Variants in PCDH7 observed in about 807,000 individuals in gnomAD.
PCDH7 encodes protocadherin-7.
A neutral mutation model predicts 58.9 loss-of-function variants in PCDH7; 17 were observed. The observed-to-expected ratio is 0.29, with a 90% confidence interval of 0.20 to 0.43. PCDH7 has a LOEUF of 0.43. Among genes scored for constraint, PCDH7 ranks in the 20% least tolerant of loss-of-function variants. The pLI, the probability that PCDH7 is intolerant of heterozygous loss-of-function variation, is 1.00. For synonymous variants in PCDH7, 664 were observed against 616.4 expected (o/e 1.08, Z -1.14); for missense variants, 1,274 against 1,441.0 (o/e 0.88, Z 1.88).
In PCDH7 at chr4:30,977,508, C is replaced by T. The variant is rs546550232; in HGVS notation, c.*7+27293C>T. On this transcript the variant is annotated intron_variant, in intron 3 of 3. Coordinates refer to the PCDH7 transcript ENST00000509759. ...AATAAGATTTTTCTTCTTCCTTCTT[C>T]CCCTTTTCTCCTTTTGCTTTTCTTC... 1.3e-4 allele frequency among the ~76,000 whole-genome samples: 20 copies of T among 152,264 alleles called. No individual in the cohort carries two copies. The South Asian group carries it at 3.7e-3, about 28-fold the overall frequency.
At chr4:30,728,444 T>C (rs1714965110) in intron 1 of PCDH7, among the ~76,000 whole-genome samples, 1 of 151,806 alleles carries the variant, frequency 6.6e-6, no homozygotes, top group Admixed American at 6.6e-5. Context: ...CAAGGATGTT[T>C]TCATAAGGCA....
chr4:31,063,715 GTATT>G (rs1560614556), intron 3 of PCDH7, among the ~76,000 whole-genome samples: 2 of 151,824 alleles, frequency 1.3e-5, no homozygotes, highest in Non-Finnish European at 2.9e-5. Flanking sequence ...AATGTATTCA[GTATT>G]TAAATTTTCT....
intron 1 of PCDH7, among the ~76,000 whole-genome samples, chr4:30,810,623 T>C (rs923915826): frequency 1.3e-4 from 19 of 151,792 alleles, no homozygotes; most frequent in African/African-American, 3.6e-4. Context: ...TTTCTTTTTT[T>C]TTTTTTGAGA....
At chr4:31,003,633 C>T (rs1752531005) in intron 3 of PCDH7, among the ~76,000 whole-genome samples, 1 of 152,088 alleles carries the variant, frequency 6.6e-6, no homozygotes, top group Non-Finnish European at 1.5e-5. Context: ...TGGGGCCAGG[C>T]ACGGTGGCTC....
chr4:30,765,075 T>G (rs1018906331), intron 1 of PCDH7, among the ~76,000 whole-genome samples: 1 of 145,468 alleles, frequency 6.9e-6, no homozygotes, highest in Non-Finnish European at 1.5e-5. Context: ...GGAAATGTCC[T>G]TTGCAATTAA....
intron 3 of PCDH7, among the ~76,000 whole-genome samples, chr4:31,056,486 A>AAAGG (rs1757220573): frequency 7.1e-6 from 1 of 140,984 alleles, no homozygotes; most frequent in Admixed American, 7.1e-5. Flanking sequence ...AGAAAGAAAG[A>AAAGG]AAGAAAGAAA....
At chr4:30,986,379 G>A (rs1040209650) in intron 3 of PCDH7, among the ~76,000 whole-genome samples, 1 of 151,876 alleles carries the variant, frequency 6.6e-6, no homozygotes, top group African/African-American at 2.4e-5. Flanking sequence ...ATGGTTTGTA[G>A]CTATGAGTGC....
At chr4:30,965,832 A>AT (rs1399681855) in intron 3 of PCDH7, among the ~76,000 whole-genome samples, 5 of 152,196 alleles carry the variant, frequency 3.3e-5, no homozygotes, top group East Asian at 1.9e-4. Flanking sequence ...TTAAAATATT[A>AT]TTTTTTTAAA....
downstream of PCDH7, chr4:31,146,329 A>C (rs868733194): frequency 6.6e-6 from 1 of 150,730 alleles, no homozygotes; most frequent in Non-Finnish European, 1.5e-5. Context: ...AGTGAGAAAT[A>C]AGAAAATGTG....
At chr4:31,009,824 A>G (rs1753042701) in intron 3 of PCDH7, among the ~76,000 whole-genome samples, 1 of 151,892 alleles carries the variant, frequency 6.6e-6, no homozygotes, top group African/African-American at 2.4e-5. Context: ...ATGGAGCTCA[A>G]TAGTTGATAT....
At chr4:30,848,825 C>A (rs566950254) in intron 1 of PCDH7, among the ~76,000 whole-genome samples, 1 of 152,156 alleles carries the variant, frequency 6.6e-6, no homozygotes, top group East Asian at 1.9e-4. Context: ...CCTAAGTATG[C>A]AATTAAAATT....
intron 3 of PCDH7, among the ~76,000 whole-genome samples, chr4:31,025,451 G>A (rs1404215938): frequency 6.6e-6 from 1 of 151,352 alleles, no homozygotes; most frequent in Non-Finnish European, 1.5e-5. Flanking sequence ...TTCTTTTCTT[G>A]TTGTTCAGCT....
intron 3 of PCDH7, among the ~76,000 whole-genome samples, chr4:31,049,797 C>T (rs1756591745): frequency 6.6e-6 from 1 of 152,000 alleles, no homozygotes; most frequent in Admixed American, 6.6e-5. Context: ...ACATGGTCTC[C>T]AGTGAGGTCA....
chr4:30,875,719 G>A (rs551703824), intron 1 of PCDH7, among the ~76,000 whole-genome samples: 2 of 152,010 alleles, frequency 1.3e-5, no homozygotes, highest in Non-Finnish European at 2.9e-5. Context: ...ATCTGATTCC[G>A]TATTTGCTTT....
chr4:30,907,064 A>G (rs577710933), intron 1 of PCDH7, among the ~76,000 whole-genome samples: 92 of 152,226 alleles, frequency 6.0e-4, no homozygotes, highest in African/African-American at 2.1e-3. Context: ...CCCAGCAATA[A>G]TTTTTAAAAT....
intron 1 of PCDH7, among the ~76,000 whole-genome samples, chr4:30,840,456 C>T (rs1467887609): frequency 1.3e-5 from 2 of 152,086 alleles, no homozygotes; most frequent in Non-Finnish European, 2.9e-5. Context: ...CGTCCCTTGA[C>T]CACCTTGCAG....
chr4:31,115,955 A>T (rs2109317246), intron 3 of PCDH7, among the ~76,000 whole-genome samples: 1 of 152,294 alleles, frequency 6.6e-6, no homozygotes, highest in East Asian at 1.9e-4. Flanking sequence ...CCACCAAAAT[A>T]TTATTTGCAA....
chr4:30,745,577 G>A (rs1195357146), intron 1 of PCDH7, among the ~76,000 whole-genome samples: 1 of 152,042 alleles, frequency 6.6e-6, no homozygotes, highest in Non-Finnish European at 1.5e-5. Context: ...CACTCATGTG[G>A]GGCATCATGC....
chr4:31,101,354 G>C (rs1389147900), intron 3 of PCDH7, among the ~76,000 whole-genome samples: 1 of 152,122 alleles, frequency 6.6e-6, no homozygotes, highest in African/African-American at 2.4e-5. Context: ...TATAAAAAAA[G>C]ATTTTTTTCA....
Sources: allele counts gnomAD v4.1 joint callset (sites outside exome capture counted in the v4.1 genomes callset), GRCh38; gene constraint gnomAD v4.1.1; transcripts MANE v1.5; gene names NCBI Gene and HGNC (gene_info 2026-07-23, HGNC 2026-07-21).